DENND1A: variants seen among roughly 807,000 people sequenced by gnomAD.
DENND1A encodes DENN domain-containing protein 1A.
A neutral mutation model predicts 113.7 loss-of-function variants in DENND1A; 51 were observed. The observed-to-expected ratio is 0.45, with a 90% CI of 0.36 to 0.57. The LOEUF (loss-of-function observed/expected upper bound fraction) is 0.57, where lower values mean the gene tolerates loss of function less well. Ranked by LOEUF, DENND1A falls within the 20% of genes least tolerant of loss-of-function variation. The pLI, the probability that DENND1A is intolerant of heterozygous loss-of-function variation, is 0.00. For missense variants in DENND1A, 1,258 were observed against 1,395.9 expected, an observed-to-expected ratio of 0.90 and a Z score of 1.57; for synonymous variants, 565 against 570.8, an observed-to-expected ratio of 0.99 and a Z score of 0.14.
intron 15 of DENND1A, chr9:123,456,825 A>G (rs2048162072): frequency 8.5e-6 from 1 of 117,484 alleles, no homozygotes. Context: ...AAACAACAAC[A>G]ATAACAACAA....
intron 4 of DENND1A, among the ~76,000 whole-genome samples, chr9:123,763,077 A>ATTT (rs34020642): frequency 6.9e-6 from 1 of 144,368 alleles, no homozygotes. Flanking sequence ...AAGAATTCAG[A>ATTT]TTTTTTTTTT....
chr9:123,873,916 T>A (rs1296614792), intron 2 of DENND1A, among the ~76,000 whole-genome samples: 1 of 152,170 alleles, frequency 6.6e-6, no homozygotes, highest in Non-Finnish European at 1.5e-5. Flanking sequence ...CTAGTTTTTG[T>A]ATTTTTAATA....
At chr9:123,882,248 A>G (rs1234455572) in intron 1 of DENND1A, among the ~76,000 whole-genome samples, 1 of 151,406 alleles carries the variant, frequency 6.6e-6, no homozygotes, top group East Asian at 1.9e-4. Context: ...CAGCTACTGG[A>G]GAGGCCAACG....
At chr9:123,452,395 C>T in intron 16 of DENND1A, 48 bp from the exon 17 acceptor site, 6 of 1,436,998 alleles carry the variant, frequency 4.2e-6, no homozygotes, top group Non-Finnish European at 5.9e-6. Flanking sequence ...ACAGAGTCAT[C>T]CAACACCAAC....
chr9:123,433,121 G>A (rs2046260773), intron 19 of DENND1A, among the ~76,000 whole-genome samples: 1 of 152,212 alleles, frequency 6.6e-6, no homozygotes, highest in Admixed American at 6.5e-5. Flanking sequence ...GTGTGCCAGC[G>A]CTGAGCTCGG....
intron 19 of DENND1A, among the ~76,000 whole-genome samples, chr9:123,412,054 C>T (rs2131546952): frequency 6.6e-6 from 1 of 152,330 alleles, no homozygotes; most frequent in Admixed American, 6.5e-5. Context: ...CATCTCCCAA[C>T]AGGGCTCCCA....
chr9:123,583,288 T>A lies in DENND1A; in HGVS notation c.766-18A>T. The A allele has an allele frequency of 6.3e-7, 1 of 1,599,204 alleles. No individual in the cohort carries two copies. Among genetic ancestry groups the A allele is most frequent in the Non-Finnish European group, 8.6e-7 (1 of 1,168,810 alleles). ...CTGACTTTCTGCAAGGAGAAAAAAA[T>A]CCACAAGAGAAGGTCATTGAGGTGC... On this transcript the variant is annotated intron_variant, in intron 11 of 23. Transcript: ENST00000394215.
chr9:123,439,008 G>T (rs1459751596), intron 19 of DENND1A, among the ~76,000 whole-genome samples: 2 of 152,182 alleles, frequency 1.3e-5, no homozygotes. Context: ...GTGTGTGCAG[G>T]AATGAGGACA....
chr9:123,891,866 T>C (rs1849954113), intron 1 of DENND1A, among the ~76,000 whole-genome samples: 1 of 152,160 alleles, frequency 6.6e-6, no homozygotes, highest in South Asian at 2.1e-4. Context: ...CAAAGCACAG[T>C]GATCCCTGAG....
At chr9:123,648,643 C>T (rs114784351) in intron 9 of DENND1A, among the ~76,000 whole-genome samples, 414 of 152,250 alleles carry the variant, frequency 2.7e-3, no homozygotes, top group Middle Eastern at 0.01. Context: ...AATAAAAGTT[C>T]ACGATTTTAA....
intron 3 of DENND1A, among the ~76,000 whole-genome samples, chr9:123,774,102 G>A (rs923978319): frequency 6.6e-6 from 1 of 152,080 alleles, no homozygotes; most frequent in Non-Finnish European, 1.5e-5. Flanking sequence ...GTAGGTGTGT[G>A]ATGAAAAGAT....
intron 1 of DENND1A, among the ~76,000 whole-genome samples, chr9:123,897,755 G>A (rs1428265345): frequency 1.4e-4 from 21 of 151,998 alleles, no homozygotes. Context: ...ATCGCTTGAG[G>A]CCAGGAGTTC....
At chr9:123,638,760 C>T (rs1472146859) in intron 9 of DENND1A, among the ~76,000 whole-genome samples, 1 of 152,042 alleles carries the variant, frequency 6.6e-6, no homozygotes, top group Non-Finnish European at 1.5e-5. Context: ...CATGCCCAGC[C>T]TCACATGCAC....
At chr9:123,710,827 C>A (rs1336763759) in intron 5 of DENND1A, among the ~76,000 whole-genome samples, 1 of 151,950 alleles carries the variant, frequency 6.6e-6, no homozygotes, top group Non-Finnish European at 1.5e-5. Context: ...TGTGTGCCAC[C>A]ATGCCAGGCT....
chr9:123,584,615 TATTTC>T (rs2059076768), intron 11 of DENND1A, among the ~76,000 whole-genome samples: 1 of 152,218 alleles, frequency 6.6e-6, no homozygotes, highest in Admixed American at 6.5e-5. Context: ...TTACTCACCT[TATTTC>T]ATTTAATTCT....
At chr9:123,852,509 TTATTTA>T (rs756911270) in intron 2 of DENND1A, among the ~76,000 whole-genome samples, 19 of 152,228 alleles carry the variant, frequency 1.2e-4, no homozygotes, top group Non-Finnish European at 2.6e-4. Flanking sequence ...AGAAAGTGTT[TTATTTA>T]TATCCATAGC....
chr9:123,599,213 A>G (rs892093902), intron 11 of DENND1A, among the ~76,000 whole-genome samples: 32 of 152,378 alleles, frequency 2.1e-4, no homozygotes, highest in African/African-American at 6.7e-4. Context: ...CCTAAACGGC[A>G]TATCTCTTAA....
At position 123,771,331 on chromosome 9, in the gene DENND1A, C is replaced by T. The variant is rs2131648476; in HGVS notation, c.133-1768G>A. ...CCTGCTGTGCTAATTATAAAGTATA[C>T]TACAATTCACATACACAAAACCCTT... On this transcript the variant is annotated intron_variant, in intron 3 of 23. Transcript: ENST00000394215. Among the ~76,000 whole-genome samples the T allele has an allele frequency of 2.6e-5, 4 of 152,264 alleles. 2 individuals carry two copies. The South Asian group carries it at 8.3e-4, about 32-fold the overall frequency.
At chr9:123,410,822 C>G (rs1404378515) in intron 20 of DENND1A, among the ~76,000 whole-genome samples, 1 of 152,196 alleles carries the variant, frequency 6.6e-6, no homozygotes, top group Non-Finnish European at 1.5e-5. Context: ...GGTGGCCACA[C>G]TGAATGGTAG....
Sources: gnomAD v4.1 joint callset for allele counts (sites outside exome capture counted in the v4.1 genomes callset) on GRCh38, gnomAD v4.1.1 for gene constraint, MANE v1.5 for transcripts, NCBI Gene and HGNC (gene_info 2026-07-23, HGNC 2026-07-21) for gene names.